Variants in CNTNAP2 observed in about 807,000 individuals in gnomAD.
The protein encoded by CNTNAP2 is contactin associated protein 2, also known as contactin-associated protein-like 2.
A neutral mutation model predicts 155.2 loss-of-function variants in CNTNAP2; 98 were observed. The ratio of observed to expected loss-of-function variants is 0.63; its 90% CI spans 0.54 to 0.75. The LOEUF (loss-of-function observed/expected upper bound fraction) is 0.75. CNTNAP2 is among the 30% of genes least tolerant of loss of function. CNTNAP2 has a pLI of 0.00. For synonymous variants in CNTNAP2, 651 were observed against 631.2 expected (o/e 1.03, Z -0.47); for missense variants, 1,727 against 1,688.1 (o/e 1.02, Z -0.40).
At chr7:146,736,573 TGTTA>T (rs943183397) in intron 1 of CNTNAP2, among the ~76,000 whole-genome samples, 1 of 152,190 alleles carries the variant, frequency 6.6e-6, no homozygotes, top group African/African-American at 2.4e-5. Flanking sequence ...CTAACTTGAC[TGTTA>T]GTTGCTGCTA....
chr7:147,231,110 C>G (rs76824888), intron 8 of CNTNAP2, among the ~76,000 whole-genome samples: 27 of 152,318 alleles, frequency 1.8e-4, no homozygotes, highest in Non-Finnish European at 3.8e-4. Flanking sequence ...CATCAGCTCT[C>G]CTGAGAACGC....
At chr7:147,172,482 T>C (rs894389374) in intron 8 of CNTNAP2, among the ~76,000 whole-genome samples, 5 of 152,206 alleles carry the variant, frequency 3.3e-5, no homozygotes, top group Non-Finnish European at 5.9e-5. Flanking sequence ...ATCATTGCCA[T>C]ATACTCACTT....
chr7:146,181,874 T>C (rs1238669776), intron 1 of CNTNAP2, among the ~76,000 whole-genome samples: 3 of 152,154 alleles, frequency 2.0e-5, no homozygotes, highest in South Asian at 2.1e-4. Context: ...GTAGAGTGCA[T>C]GGCACTCTTG....
intron 1 of CNTNAP2, among the ~76,000 whole-genome samples, chr7:146,259,992 A>T (rs1799896571): frequency 6.6e-6 from 1 of 152,186 alleles, no homozygotes; most frequent in South Asian, 2.1e-4. Context: ...GCCCAGGGCG[A>T]TGCTGTTCTG....
At chr7:146,459,318 TC>T (rs2129124115) in intron 1 of CNTNAP2, among the ~76,000 whole-genome samples, 1 of 152,278 alleles carries the variant, frequency 6.6e-6, no homozygotes, top group Admixed American at 6.5e-5. Flanking sequence ...AATACGAATT[TC>T]CACATGCTGT....
chr7:147,631,829 A>T (rs77688158), intron 12 of CNTNAP2, among the ~76,000 whole-genome samples: 3,963 of 152,292 alleles, frequency 0.026, 84 homozygotes, highest in Non-Finnish European at 0.041. Flanking sequence ...TAAAAAATCA[A>T]CTCAAGATTG....
chr7:148,328,444 G>A (rs937785459), intron 21 of CNTNAP2, among the ~76,000 whole-genome samples: 1 of 152,140 alleles, frequency 6.6e-6, no homozygotes, highest in African/African-American at 2.4e-5. Context: ...CAGATTGTGG[G>A]TCAGCGTGCT....
At chr7:146,555,481 CTG>C (rs1456557889) in intron 1 of CNTNAP2, among the ~76,000 whole-genome samples, 6 of 142,858 alleles carry the variant, frequency 4.2e-5, no homozygotes, top group African/African-American at 8.0e-5. Flanking sequence ...GTAATCTACT[CTG>C]TATCATCTGT....
intron 21 of CNTNAP2, among the ~76,000 whole-genome samples, chr7:148,326,651 G>A (rs1797893508): frequency 1.3e-5 from 2 of 152,118 alleles, no homozygotes; most frequent in African/African-American, 2.4e-5. Flanking sequence ...CGGATCATGA[G>A]GTCAGGAGAT....
chr7:147,472,142 A>G (rs922604521), intron 10 of CNTNAP2, among the ~76,000 whole-genome samples: 1 of 151,808 alleles, frequency 6.6e-6, no homozygotes, highest in Non-Finnish European at 1.5e-5. Context: ...TCATGCAAAA[A>G]CATACAAGAG....
chr7:146,569,607 T>C (rs1798411463), intron 1 of CNTNAP2, among the ~76,000 whole-genome samples: 1 of 152,220 alleles, frequency 6.6e-6, no homozygotes, highest in African/African-American at 2.4e-5. Flanking sequence ...AATACTGCAA[T>C]AATTTTCATT....
chr7:148,292,798 T>C (rs1254055461), intron 21 of CNTNAP2, among the ~76,000 whole-genome samples: 1 of 152,064 alleles, frequency 6.6e-6, no homozygotes, highest in Non-Finnish European at 1.5e-5. Context: ...TCTAGCTGCT[T>C]CCCATCCATC....
At chr7:148,118,979 A>G (rs1170266719) in intron 16 of CNTNAP2, among the ~76,000 whole-genome samples, 1 of 152,206 alleles carries the variant, frequency 6.6e-6, no homozygotes, top group African/African-American at 2.4e-5. Context: ...TTAGCTGCAC[A>G]AGACTTGAGA....
chr7:146,824,669 A>G (rs1179244723), intron 2 of CNTNAP2, among the ~76,000 whole-genome samples: 1 of 151,796 alleles, frequency 6.6e-6, no homozygotes, highest in African/African-American at 2.4e-5. Context: ...TATGACAAAA[A>G]TATCTTATAA....
At chr7:147,503,481 CCTG>C (rs1798854755) in intron 11 of CNTNAP2, among the ~76,000 whole-genome samples, 1 of 152,110 alleles carries the variant, frequency 6.6e-6, no homozygotes, top group Non-Finnish European at 1.5e-5. Context: ...CTTTGCCACA[CCTG>C]CTCCTGTCCA....
chr7:147,812,684 G>A (rs377350920), intron 13 of CNTNAP2, among the ~76,000 whole-genome samples: 24 of 152,074 alleles, frequency 1.6e-4, no homozygotes, highest in African/African-American at 4.6e-4. Flanking sequence ...TCAGAGAGGC[G>A]CTCCTCAGAG....
intron 3 of CNTNAP2, among the ~76,000 whole-genome samples, chr7:147,035,130 C>T (rs1799129459): frequency 6.6e-6 from 1 of 152,132 alleles, no homozygotes; most frequent in South Asian, 2.1e-4. Context: ...TACTATGAGG[C>T]ACCCTATGGA....
chr7:146,910,401 A>G (rs1331795687), intron 3 of CNTNAP2, among the ~76,000 whole-genome samples: 2 of 148,938 alleles, frequency 1.3e-5, no homozygotes, highest in African/African-American at 2.6e-5. Flanking sequence ...CTGACTTCAA[A>G]GTATACTACA....
intron 20 of CNTNAP2, among the ~76,000 whole-genome samples, chr7:148,234,853 G>A (rs1211441812): frequency 6.6e-6 from 1 of 152,180 alleles, no homozygotes; most frequent in Non-Finnish European, 1.5e-5. Flanking sequence ...ACAATAGAGA[G>A]TTCAGGGATA....
Sources: gnomAD v4.1 joint callset for allele counts (sites outside exome capture counted in the v4.1 genomes callset) on GRCh38, gnomAD v4.1.1 for gene constraint, MANE v1.5 for transcripts, NCBI Gene and HGNC (gene_info 2026-07-23, HGNC 2026-07-21) for gene names.